SLC2A13: variants seen among roughly 807,000 people sequenced by gnomAD.
SLC2A13 encodes the protein solute carrier family 2 member 13, also known as proton myo-inositol cotransporter.
In SLC2A13, 32 loss-of-function variants were observed where a neutral mutation model predicts 64.4. The observed-to-expected ratio is 0.50, with a 90% CI of 0.37 to 0.67. The LOEUF (loss-of-function observed/expected upper bound fraction) is 0.67. Ranked by LOEUF, SLC2A13 falls within the 30% of genes least tolerant of loss-of-function variation. The pLI, the probability that SLC2A13 is intolerant of heterozygous loss-of-function variation, is 0.00. For synonymous variants in SLC2A13, 338 were observed against 327.1 expected (o/e 1.03, Z -0.36); for missense variants, 743 against 829.2 (o/e 0.90, Z 1.28).
chr12:39,857,639 T>C (rs945023504), intron 6 of SLC2A13, among the ~76,000 whole-genome samples: 1 of 152,230 alleles, frequency 6.6e-6, no homozygotes, highest in Non-Finnish European at 1.5e-5. Context: ...AATCTGATAA[T>C]GTCATTCTCA....
rs1268647096 is a variant in SLC2A13, at chr12:39,846,163, T to C, written c.1320-15935A>G. Among the ~76,000 whole-genome samples, 3 of 152,134 alleles carry C rather than the reference T, an allele frequency of 2.0e-5. No individual in the cohort carries two copies. The South Asian group carries it at 6.2e-4, about 32-fold the overall frequency. ...AACTATGCTCACATTCAGAACCATA[T>C]AGATAAGATCATTGTTCTGCTCTAG... On this transcript the variant is annotated intron_variant, in intron 6 of 9. Coordinates refer to ENST00000280871, the MANE Select transcript of SLC2A13 (RefSeq NM_052885.4).
intron 7 of SLC2A13, among the ~76,000 whole-genome samples, chr12:39,818,691 T>TA (rs1942406644): frequency 6.6e-6 from 1 of 152,188 alleles, no homozygotes; most frequent in Non-Finnish European, 1.5e-5. Flanking sequence ...TTTGGTATAC[T>TA]ATCTTAGGTT....
intron 7 of SLC2A13, among the ~76,000 whole-genome samples, chr12:39,796,601 A>C (rs951200343): frequency 2.6e-5 from 4 of 152,114 alleles, no homozygotes; most frequent in African/African-American, 9.7e-5. Flanking sequence ...AGAAGCTAGA[A>C]AGTATAATAC....
At chr12:39,932,601 A>C (rs1335567066) in intron 4 of SLC2A13, among the ~76,000 whole-genome samples, 1 of 152,256 alleles carries the variant, frequency 6.6e-6, no homozygotes, top group Non-Finnish European at 1.5e-5. Context: ...GCAGAATTTT[A>C]GACAATGATA....
intron 3 of SLC2A13, among the ~76,000 whole-genome samples, chr12:39,966,632 C>T (rs1371373651): frequency 3.9e-5 from 6 of 152,098 alleles, no homozygotes; most frequent in African/African-American, 1.4e-4. Flanking sequence ...AGAAGAAATA[C>T]GCATGCCAAG....
intron 3 of SLC2A13, among the ~76,000 whole-genome samples, chr12:39,975,746 T>C (rs1383508244): frequency 6.6e-6 from 1 of 152,248 alleles, no homozygotes; most frequent in Non-Finnish European, 1.5e-5. Flanking sequence ...AAAACAGATG[T>C]AGCTCTTTAA....
chr12:39,816,091 A>T (rs1327882495), intron 7 of SLC2A13, among the ~76,000 whole-genome samples: 2 of 152,210 alleles, frequency 1.3e-5, no homozygotes, highest in African/African-American at 4.8e-5. Flanking sequence ...TTCTGGGCTG[A>T]TAGTGAGCTG....
intron 4 of SLC2A13, among the ~76,000 whole-genome samples, chr12:39,941,203 T>G (rs1324319806): frequency 1.3e-5 from 2 of 152,162 alleles, no homozygotes; most frequent in Non-Finnish European, 2.9e-5. Flanking sequence ...CCCATGACTT[T>G]GCAATTGTGA....
intron 4 of SLC2A13, among the ~76,000 whole-genome samples, chr12:39,919,817 T>A (rs1425359235): frequency 2.6e-5 from 4 of 152,156 alleles, no homozygotes. Flanking sequence ...TAATTCCTCA[T>A]CCAAGTCCAG....
intron 6 of SLC2A13, among the ~76,000 whole-genome samples, chr12:39,859,446 A>G (rs1034540422): frequency 2.0e-5 from 3 of 151,346 alleles, no homozygotes; most frequent in Non-Finnish European, 4.4e-5. Context: ...GGTGAGGCTG[A>G]CCGCTGGAAA....
chr12:39,986,083 T>C (rs1283067679), intron 3 of SLC2A13, among the ~76,000 whole-genome samples: 2 of 152,046 alleles, frequency 1.3e-5, no homozygotes, highest in African/African-American at 4.8e-5. Flanking sequence ...TCTCTCAGGC[T>C]TTTAAAATAA....
intron 1 of SLC2A13, among the ~76,000 whole-genome samples, chr12:40,060,634 A>G (rs1948404025): frequency 6.6e-6 from 1 of 152,184 alleles, no homozygotes; most frequent in South Asian, 2.1e-4. Flanking sequence ...TTCAACAGTA[A>G]CAATGGAACC....
At chr12:39,830,559 T>A in intron 6 of SLC2A13, 2 of 905,092 alleles carry the variant, frequency 2.2e-6, no homozygotes, top group Non-Finnish European at 2.7e-6. Flanking sequence ...GTTACCAAAC[T>A]GTAGACTGCC....
At chr12:40,049,810 C>G (rs1044868588) in intron 1 of SLC2A13, among the ~76,000 whole-genome samples, 2 of 152,022 alleles carry the variant, frequency 1.3e-5, no homozygotes, top group African/African-American at 4.8e-5. Context: ...TGGGAAAATT[C>G]ACTGTATTAT....
chr12:39,802,256 G>T (rs1941818346), intron 7 of SLC2A13: 1 of 152,120 alleles, frequency 6.6e-6, no homozygotes, highest in South Asian at 2.1e-4. Flanking sequence ...CATTTTGCAT[G>T]CAGGTCCTCA....
At chr12:39,833,155 G>T (rs1286593560) in intron 6 of SLC2A13, among the ~76,000 whole-genome samples, 1 of 152,086 alleles carries the variant, frequency 6.6e-6, no homozygotes, top group African/African-American at 2.4e-5. Context: ...AAGGTTTACA[G>T]AAACACAGCC....
chr12:39,912,119 C>T (rs1373267987), intron 4 of SLC2A13, among the ~76,000 whole-genome samples: 1 of 151,986 alleles, frequency 6.6e-6, no homozygotes, highest in South Asian at 2.1e-4. Flanking sequence ...CCACAATGAT[C>T]AACCTTCCTA....
At position 40,105,837 on chromosome 12, in the gene SLC2A13, G is replaced by T. The variant is rs7305766; in HGVS notation, c.-29C>A. On this transcript the variant is annotated 5_prime_UTR_variant, in exon 1 of 10. Transcript: ENST00000280871. The surrounding 1 kb of genome is among the most constrained non-coding windows in gnomAD (Gnocchi z 4.2). ...GCAGGGGCCCGGGGCTGCCCGGGGG[G>T]ACGCGGCTCCGCGGGCCGGCAGTCT... 299,140 of 1,375,414 alleles carry T rather than the reference G, an allele frequency of 0.22. 34,422 individuals carry two copies. The highest frequency in any genetic ancestry group is 0.23 in the Non-Finnish European group (244,184 of 1,065,456). 85.2% of individuals were successfully genotyped at this position (1,375,414 alleles called of 1,614,324 possible).
chr12:39,756,978 A>T lies in SLC2A13; in HGVS notation c.*3048T>A, dbSNP rs533570912. ...ATTACCTTTTATTATTTATTATTTA[A>T]ATATTTTACATATATTAAAAATAAT... On this transcript the variant is annotated 3_prime_UTR_variant, in exon 10 of 10. Coordinates refer to ENST00000280871, the MANE Select transcript of SLC2A13 (RefSeq NM_052885.4). The T allele has an allele frequency of 6.6e-6, 1 of 151,668 alleles. No individual in the cohort carries two copies. The highest frequency in any genetic ancestry group is 6.6e-5 in the Admixed American group (1 of 15,190). 9.4% of individuals were successfully genotyped at this position (151,668 alleles called of 1,614,324 possible).
Sources: gnomAD v4.1 joint callset for allele counts (sites outside exome capture counted in the v4.1 genomes callset) on GRCh38, gnomAD v4.1.1 for gene constraint, Gnocchi (gnomAD v3.1) non-coding constraint, MANE v1.5 for transcripts, NCBI Gene and HGNC (gene_info 2026-07-23, HGNC 2026-07-21) for gene names.